Variants in CD164 observed in about 807,000 individuals in gnomAD.
CD164 encodes the protein sialomucin core protein 24.
A neutral mutation model predicts 24.6 loss-of-function variants in CD164; 11 were observed. The observed-to-expected ratio is 0.45, with a 90% CI of 0.28 to 0.74. The LOEUF is 0.74. Ranked by LOEUF, CD164 falls within the 30% of genes least tolerant of loss-of-function variation. The probability of loss-of-function intolerance (pLI) is 0.13; values close to 1 mark genes in which losing one functional copy is unlikely to be tolerated. For missense variants in CD164, 295 were observed against 243.7 expected (o/e 1.21, Z -1.40); for synonymous variants, 126 against 100.3 (o/e 1.26, Z -1.53).
intron 5 of CD164, among the ~76,000 whole-genome samples, chr6:109,370,026 T>G (rs1289869130): frequency 6.6e-6 from 1 of 152,180 alleles, no homozygotes; most frequent in East Asian, 1.9e-4. Context: ...TTTTAGACCT[T>G]TCTCAGTGAA....
chr6:109,380,738 T>C (rs1771690091), intron 1 of CD164, among the ~76,000 whole-genome samples: 1 of 152,204 alleles, frequency 6.6e-6, no homozygotes, highest in Non-Finnish European at 1.5e-5. Context: ...AGAAAATACA[T>C]ACCTCCTTTG....
chr6:109,372,101 C>A (rs539560936), intron 4 of CD164: 7 of 152,194 alleles, frequency 4.6e-5, no homozygotes, highest in African/African-American at 1.7e-4. Flanking sequence ...GGAAAGGGTG[C>A]CAAATAACTG....
intron 1 of CD164, chr6:109,380,452 T>C (rs528264575): frequency 1.3e-5 from 2 of 152,346 alleles, no homozygotes; most frequent in Admixed American, 1.3e-4. Context: ...CCTCCAAACA[T>C]TCTCGTTTGC....
intron 4 of CD164, chr6:109,371,235 A>C (rs1771057962): frequency 6.6e-6 from 1 of 151,930 alleles, no homozygotes; most frequent in Non-Finnish European, 1.5e-5. Flanking sequence ...ATGTAAAATC[A>C]TTTTAGGGAC....
chr6:109,381,551 A>C (rs1298698425), intron 1 of CD164: 1 of 702,456 alleles, frequency 1.4e-6, no homozygotes, highest in African/African-American at 1.7e-5. Context: ...CGGTACATAC[A>C]TGGGTACTTT....
chr6:109,382,158 T>C, intron 1 of CD164, 46 bp downstream of exon 1: 1 of 1,425,514 alleles, frequency 7.0e-7, no homozygotes, highest in Non-Finnish European at 9.2e-7. Flanking sequence ...GCAGTGCGGC[T>C]CGGCTGGGCA....
intron 3 of CD164, among the ~76,000 whole-genome samples, chr6:109,376,636 TG>T (rs1473471819): frequency 1.3e-5 from 2 of 152,234 alleles, no homozygotes; most frequent in Non-Finnish European, 2.9e-5. Context: ...CATTGTAATT[TG>T]GGGGTTTATG....
intron 4 of CD164, among the ~76,000 whole-genome samples, chr6:109,373,425 G>A (rs142514878): frequency 3.9e-5 from 6 of 152,214 alleles, no homozygotes; most frequent in African/African-American, 1.2e-4. Context: ...AAAAGAAACC[G>A]CCTAAAGGTT....
intron 1 of CD164, among the ~76,000 whole-genome samples, chr6:109,380,896 C>T (rs1771698762): frequency 6.6e-6 from 1 of 152,170 alleles, no homozygotes; most frequent in Admixed American, 6.5e-5. Context: ...GGTTAGAATT[C>T]CCAGTATTAT....
rs972491174 is a variant in CD164 at position 109,367,340 on chromosome 6, G to A, written c.*1511C>T. 6.6e-6 allele frequency: 1 copy of A among 152,458 alleles called. No homozygotes were observed. Among genetic ancestry groups the A allele is most frequent in the African/African-American group, 2.4e-5 (1 of 41,426 alleles). The allele number at this position is 152,458 out of a possible 1,614,324, so 9.4% of individuals were successfully genotyped here. A position where few individuals can be genotyped will look rare whatever the true frequency, so the allele number is the denominator to read the frequency against. On this transcript the variant is annotated 3_prime_UTR_variant, in exon 6 of 6. Transcript: ENST00000310786. Reference sequence around the variant, plus strand: ...GAGTTTGTTTATGAAATGAAACAAAGCAGTTTGTCATTTCTTACTATAAAA... The same window carrying A: ...GAGTTTGTTTATGAAATGAAACAAAACAGTTTGTCATTTCTTACTATAAAA...
Position 109,370,419 on chromosome 6 carries a change from G to A in CD164, c.419C>T (p.Thr140Ile). Residue 140 changes from threonine (T) to isoleucine (I), a missense_variant, in exon 5 of 6, where the codon ACT (threonine) becomes ATT (isoleucine). By Grantham distance (89) the Thr-to-Ile change is moderately conservative. Coordinates refer to ENST00000310786, the MANE Select transcript of CD164 (RefSeq NM_006016.6). ...PSPSTTSKTV[T>I]TSGTTNNTVT... ...TAAAAAGCCTCAATTACCTGATGTA[G>A]TAACTGTCTTGGAAGTTGTAGAAGG... The A allele has an allele frequency of 6.2e-7, 1 of 1,611,888 alleles. No individual in the cohort carries two copies. The highest frequency in any genetic ancestry group is 8.5e-7 in the Non-Finnish European group (1 of 1,178,198).
rs111388243 is a variant in CD164, at chr6:109,366,734, T to TA, written c.*2116dup. On this transcript the variant is annotated 3_prime_UTR_variant, in exon 6 of 6. Transcript: ENST00000310786. ...AGGTTTCTATATACCTTCTGGATTT[T>TA]AAAAAAACCCAAAAATTAATGGCTC... 0.077 allele frequency: 11,771 copies of TA among 152,564 alleles called. 1,192 individuals are homozygous for TA. Among genetic ancestry groups the TA allele is most frequent in the African/African-American group, 0.24 (9,793 of 41,452 alleles). The allele number at this position is 152,564 out of a possible 1,614,324, so 9.5% of individuals were successfully genotyped here. A position where few individuals can be genotyped will look rare whatever the true frequency, so the allele number is the denominator to read the frequency against.
At chr6:109,375,800 A>G (rs987565417) in intron 4 of CD164, 2 of 331,950 alleles carry the variant, frequency 6.0e-6, no homozygotes, top group African/African-American at 4.3e-5. Context: ...TATATTTCCC[A>G]AGATTTCCAC....
At position 109,367,795 on chromosome 6, in the gene CD164, A is replaced by G. The variant is rs1212007128; in HGVS notation, c.*1056T>C. 1.3e-5 allele frequency: 2 copies of G among 152,638 alleles called. No individual in the cohort carries two copies. Among genetic ancestry groups the G allele is most frequent in the South Asian group, 2.1e-4 (1 of 4,836 alleles). 9.5% of individuals were successfully genotyped at this position (152,638 alleles called of 1,614,324 possible). A position where few individuals can be genotyped will look rare whatever the true frequency, so the allele number is the denominator to read the frequency against. ...TATGATTGTCTCATTTAAATAGTAA[A>G]TGATTCTAAAATAATGTATATCCTT... On this transcript the variant is annotated 3_prime_UTR_variant, in exon 6 of 6. Transcript: ENST00000310786.
At chr6:109,381,521 G>A (rs946757679) in intron 1 of CD164, 1 of 702,558 alleles carries the variant, frequency 1.4e-6, no homozygotes, top group South Asian at 1.5e-5. Context: ...TTTAGCCTTA[G>A]GATACGTACG....
At position 109,371,561 on chromosome 6, in the gene CD164, A is replaced by G. The variant is rs965472053; in HGVS notation, c.371-1094T>C. 5 of 153,758 alleles carry G rather than the reference A, an allele frequency of 3.3e-5. No individual in the cohort carries two copies. The East Asian group carries it at 7.7e-4, about 24-fold the overall frequency. The allele number at this position is 153,758 out of a possible 1,614,324, so 9.5% of individuals were successfully genotyped here. A position where few individuals can be genotyped will look rare whatever the true frequency, so the allele number is the denominator to read the frequency against. ...ACCTCGTCCAGCCAGTATATCACCTATTAAGTTTCTATTGGTAGTATGAAT... is the reference window on the plus strand; with the variant it reads ...ACCTCGTCCAGCCAGTATATCACCTGTTAAGTTTCTATTGGTAGTATGAAT... On this transcript the variant is annotated intron_variant, in intron 4 of 5. Transcript: ENST00000310786.
At position 109,373,847 on chromosome 6, in the gene CD164, TC is replaced by T. The variant is rs763857388; in HGVS notation, c.370+2226del. On this transcript the variant is annotated intron_variant, in intron 4 of 5. Transcript: ENST00000310786. ...TGCAGACTTCCATGGCATGACTATT[TC>T]CATGGTAACCAGTTTCAAGTTACCA... is the stretch of plus-strand genomic sequence containing the variant. Among the ~76,000 whole-genome samples, 266 of 152,336 alleles carry T rather than the reference TC, an allele frequency of 1.7e-3. 1 individual carries two copies. Among genetic ancestry groups the T allele is most frequent in the Non-Finnish European group, 2.8e-3 (189 of 68,034 alleles).
chr6:109,381,739 C>G (rs891998147), intron 1 of CD164: 3 of 587,592 alleles, frequency 5.1e-6, no homozygotes, highest in Admixed American at 2.9e-5. Context: ...CCCGGACTTC[C>G]GGAGAAGGCT....
chr6:109,377,799 T>C (rs1014732448), intron 3 of CD164, 101 bp downstream of exon 3: 8 of 795,696 alleles, frequency 1.0e-5, no homozygotes, highest in Non-Finnish European at 1.6e-5. Context: ...ATGAGAATTA[T>C]GGCAATGCTT....
Sources: gnomAD v4.1 joint callset for allele counts (sites outside exome capture counted in the v4.1 genomes callset) on GRCh38, gnomAD v4.1.1 for gene constraint, MANE v1.5 for transcripts, NCBI Gene and HGNC (gene_info 2026-07-23, HGNC 2026-07-21) for gene names.